FGF12: variants seen among roughly 807,000 people sequenced by gnomAD.
FGF12 encodes the protein fibroblast growth factor 12B.
FGF12 carries 14 observed loss-of-function variants against 23.6 expected under a neutral mutation model. The observed-to-expected ratio is 0.59, with a 90% CI of 0.39 to 0.93. The LOEUF (loss-of-function observed/expected upper bound fraction) is 0.93. FGF12 is among the 40% of genes least tolerant of loss of function. FGF12 has a pLI of 0.00. For synonymous variants in FGF12, 62 were observed against 77.3 expected, an observed-to-expected ratio of 0.80 and a Z score of 1.04; for missense variants, 175 against 217.8, an observed-to-expected ratio of 0.80 and a Z score of 1.24.
chr3:192,612,847 G>A (rs577346843), intron 2 of FGF12, among the ~76,000 whole-genome samples: 1 of 152,010 alleles, frequency 6.6e-6, no homozygotes, highest in South Asian at 2.1e-4. Context: ...TATACCCCCT[G>A]TTCCAAGAAA....
chr3:192,381,964 A>G (rs1162428048), intron 2 of FGF12, among the ~76,000 whole-genome samples: 1 of 152,068 alleles, frequency 6.6e-6, no homozygotes, highest in East Asian at 1.9e-4. Flanking sequence ...CATAGGACAT[A>G]TAGGGAGTGT....
intron 4 of FGF12, among the ~76,000 whole-genome samples, chr3:192,267,442 G>A (rs571208766): frequency 1.3e-5 from 2 of 152,262 alleles, no homozygotes; most frequent in South Asian, 4.1e-4. Flanking sequence ...TCCAATGAGA[G>A]TTTAATAAAA....
At chr3:192,286,791 A>C (rs1364117474) in intron 4 of FGF12, among the ~76,000 whole-genome samples, 1 of 152,040 alleles carries the variant, frequency 6.6e-6, no homozygotes, top group Non-Finnish European at 1.5e-5. Flanking sequence ...CAAATAACAC[A>C]ACAGTTCCAT....
intron 2 of FGF12, among the ~76,000 whole-genome samples, chr3:192,469,178 A>G (rs1723099780): frequency 6.6e-6 from 1 of 152,132 alleles, no homozygotes; most frequent in African/African-American, 2.4e-5. Flanking sequence ...CAGCGCTGCA[A>G]TCTAGCACTT....
At chr3:192,466,288 T>C (rs377027767) in intron 2 of FGF12, among the ~76,000 whole-genome samples, 5 of 152,256 alleles carry the variant, frequency 3.3e-5, no homozygotes, top group East Asian at 3.8e-4. Context: ...AATGCTGTTA[T>C]GTCATTCACA....
chr3:192,149,191 T>C (rs1390107734), intron 5 of FGF12, among the ~76,000 whole-genome samples: 1 of 152,180 alleles, frequency 6.6e-6, no homozygotes, highest in East Asian at 1.9e-4. Flanking sequence ...TATTAATTCC[T>C]TTATGTAGAA....
intron 4 of FGF12, among the ~76,000 whole-genome samples, chr3:192,233,047 A>G (rs1719105948): frequency 6.6e-6 from 1 of 152,162 alleles, no homozygotes; most frequent in Non-Finnish European, 1.5e-5. Context: ...AGGATAATTT[A>G]TATTCCTTTG....
chr3:192,171,405 C>G (rs1715553461), intron 4 of FGF12, among the ~76,000 whole-genome samples: 1 of 152,170 alleles, frequency 6.6e-6, no homozygotes, highest in Non-Finnish European at 1.5e-5. Context: ...GTGATTAATT[C>G]AAATACACAT....
At chr3:192,293,859 T>C (rs1420677779) in intron 4 of FGF12, among the ~76,000 whole-genome samples, 1 of 152,152 alleles carries the variant, frequency 6.6e-6, no homozygotes, top group African/African-American at 2.4e-5. Context: ...AAGTCCAATA[T>C]CCAGGTGATG....
At chr3:192,576,815 A>G (rs1712914790) in intron 2 of FGF12, among the ~76,000 whole-genome samples, 1 of 152,210 alleles carries the variant, frequency 6.6e-6, no homozygotes, top group Admixed American at 6.5e-5. Flanking sequence ...CCAAATGCCC[A>G]TCAGTGATAG....
intron 2 of FGF12, among the ~76,000 whole-genome samples, chr3:192,557,024 A>T (rs1711810533): frequency 6.6e-6 from 1 of 152,070 alleles, no homozygotes. Context: ...ATGAAAACAC[A>T]ACATACCAAA....
chr3:192,558,383 A>C (rs1418837808), intron 2 of FGF12, among the ~76,000 whole-genome samples: 1 of 151,936 alleles, frequency 6.6e-6, no homozygotes, highest in Admixed American at 6.5e-5. Flanking sequence ...GAAGAGGTAA[A>C]AAATTTGTAC....
intron 2 of FGF12, among the ~76,000 whole-genome samples, chr3:192,553,939 T>C (rs1165695000): frequency 6.6e-6 from 1 of 152,178 alleles, no homozygotes; most frequent in African/African-American, 2.4e-5. Flanking sequence ...TTCTATACCC[T>C]TCCCCTCTGG....
intron 2 of FGF12, among the ~76,000 whole-genome samples, chr3:192,477,579 C>G (rs988809913): frequency 6.6e-6 from 1 of 152,128 alleles, no homozygotes; most frequent in East Asian, 1.9e-4. Context: ...AAACACTAGA[C>G]TCATTTATAT....
chr3:192,549,007 C>T (rs1030062503), intron 2 of FGF12, among the ~76,000 whole-genome samples: 1 of 152,144 alleles, frequency 6.6e-6, no homozygotes, highest in East Asian at 1.9e-4. Flanking sequence ...CTATTATAAA[C>T]CACTGCCACA....
In FGF12 at chr3:192,143,652, T is replaced by C. The variant is rs1713532488; in HGVS notation, c.*357A>G. 5.9e-6 allele frequency: 1 copy of C among 170,784 alleles called. No individual in the cohort carries two copies. Among genetic ancestry groups the C allele is most frequent in the Non-Finnish European group, 1.2e-5 (1 of 80,700 alleles). The allele number at this position is 170,784 out of a possible 1,614,324, so 10.6% of individuals were successfully genotyped here. ...TGTGAGTTCAATTCTCCAAATCCTT[T>C]CCTTTAAAGTAATAAGTTTATTTCA... On this transcript the variant is annotated 3_prime_UTR_variant, in exon 6 of 6. Transcript: ENST00000445105.
intron 4 of FGF12, among the ~76,000 whole-genome samples, chr3:192,309,351 T>C (rs1715817538): frequency 6.6e-6 from 1 of 152,192 alleles, no homozygotes; most frequent in African/African-American, 2.4e-5. Context: ...ACACAAAGCT[T>C]TTCCACACAT....
intron 2 of FGF12, among the ~76,000 whole-genome samples, chr3:192,695,703 G>C (rs1180254560): frequency 1.3e-5 from 2 of 152,140 alleles, no homozygotes; most frequent in African/African-American, 4.8e-5. Flanking sequence ...CTCAAAGTAT[G>C]ATTCCTATGG....
chr3:192,639,185 T>C (rs1162399657), intron 2 of FGF12, among the ~76,000 whole-genome samples: 1 of 152,056 alleles, frequency 6.6e-6, no homozygotes, highest in Non-Finnish European at 1.5e-5. Flanking sequence ...AAATGACCAA[T>C]AGGTATATAA....
Sources: allele counts gnomAD v4.1 joint callset (sites outside exome capture counted in the v4.1 genomes callset), GRCh38; gene constraint gnomAD v4.1.1; transcripts MANE v1.5; gene names NCBI Gene and HGNC (gene_info 2026-07-23, HGNC 2026-07-21).